The following MREG variants were observed in gnomAD, a reference collection of about 807,000 sequenced individuals.
MREG encodes the protein melanoregulin.
A neutral mutation model predicts 28.5 loss-of-function variants in MREG; 31 were observed. That is an observed-to-expected ratio of 1.09 (90% CI 0.82 to 1.47). The LOEUF is 1.47. MREG is among the 40% of genes most tolerant of loss of function. MREG has a pLI of 0.00. For synonymous variants in MREG, 106 were observed against 95.2 expected (o/e 1.11, Z -0.66); for missense variants, 256 against 257.4 (o/e 0.99, Z 0.04).
At chr2:216,009,343 CA>C (rs200057661) in intron 1 of MREG, among the ~76,000 whole-genome samples, 49 of 145,520 alleles carry the variant, frequency 3.4e-4, no homozygotes, top group Admixed American at 3.4e-4. Flanking sequence ...TACAAAAATG[CA>C]AAAAAAAAAA....
intron 1 of MREG, among the ~76,000 whole-genome samples, chr2:216,022,860 A>T (rs62181269): frequency 0.22 from 33,716 of 152,088 alleles, 3,836 homozygotes; most frequent in Non-Finnish European, 0.26. Flanking sequence ...ATGCAAGGTG[A>T]CTCGAAGTTG....
intron 2 of MREG, among the ~76,000 whole-genome samples, chr2:215,986,936 C>T (rs1693586757): frequency 6.6e-6 from 1 of 152,140 alleles, no homozygotes. Context: ...ATACTTTGAT[C>T]CAACAATTCT....
At chr2:216,019,183 A>G (rs1694486857) in intron 1 of MREG, among the ~76,000 whole-genome samples, 2 of 152,012 alleles carry the variant, frequency 1.3e-5, no homozygotes, top group South Asian at 2.1e-4. Context: ...AATCAATACT[A>G]ATTTTTTTTT....
chr2:215,979,188 G>A (rs572645544), intron 2 of MREG, among the ~76,000 whole-genome samples: 2 of 152,252 alleles, frequency 1.3e-5, no homozygotes, highest in East Asian at 3.9e-4. Context: ...GATAGGTCGG[G>A]CACGGTGGCT....
At position 215,979,476 on chromosome 2, in the gene MREG, T is replaced by TA. The variant is rs1240401094; in HGVS notation, c.255+16829dup. On this transcript the variant is annotated intron_variant, in intron 2 of 4. Transcript: ENST00000263268. ...GAAACTCCATCTCAAAAAATAATAA[T>TA]AATAATAATAATAATAATAATAATA... Among the ~76,000 whole-genome samples the TA allele has an allele frequency of 8.7e-5, 9 of 102,914 alleles. 1 individual carries two copies. The highest frequency in any genetic ancestry group is 4.4e-4 in the African/African-American group (9 of 20,300). The allele number at this position is 102,914 out of a possible 152,430, so 67.5% of individuals were successfully genotyped here.
At chr2:215,967,708 T>C (rs1233505503) in intron 2 of MREG, among the ~76,000 whole-genome samples, 1 of 152,172 alleles carries the variant, frequency 6.6e-6, no homozygotes, top group Non-Finnish European at 1.5e-5. Context: ...TATGTTGGGG[T>C]TCTGTGTGAG....
At chr2:215,966,759 G>A (rs866834499) in intron 2 of MREG, among the ~76,000 whole-genome samples, 2 of 151,914 alleles carry the variant, frequency 1.3e-5, no homozygotes, top group South Asian at 4.2e-4. Context: ...GTGCCACCAC[G>A]CCTGGCTAAT....
chr2:215,973,868 T>C (rs1179857246), intron 2 of MREG, among the ~76,000 whole-genome samples: 2 of 152,168 alleles, frequency 1.3e-5, no homozygotes, highest in Non-Finnish European at 2.9e-5. Flanking sequence ...AGTTGAAAAA[T>C]GCAACTCCAC....
At chr2:215,976,325 T>C (rs1425989078) in intron 2 of MREG, among the ~76,000 whole-genome samples, 4 of 152,198 alleles carry the variant, frequency 2.6e-5, no homozygotes, top group African/African-American at 4.8e-5. Flanking sequence ...TTATTTGAAA[T>C]ACATCCCTTG....
intron 2 of MREG, among the ~76,000 whole-genome samples, chr2:215,955,448 A>G (rs995775312): frequency 6.6e-6 from 1 of 152,208 alleles, no homozygotes; most frequent in African/African-American, 2.4e-5. Context: ...TTTCAACTCA[A>G]ACAGCAAACT....
intron 2 of MREG, among the ~76,000 whole-genome samples, chr2:215,957,901 A>G (rs1692669664): frequency 6.6e-6 from 1 of 152,148 alleles, no homozygotes; most frequent in Non-Finnish European, 1.5e-5. Flanking sequence ...TGTGGCATAT[A>G]TACACCATGG....
At chr2:216,033,143 T>C (rs1246082023), upstream of MREG, among the ~76,000 whole-genome samples, 3 of 152,196 alleles carry the variant, frequency 2.0e-5, no homozygotes, top group African/African-American at 7.2e-5. Flanking sequence ...ATAATATAGC[T>C]GCAGACAGAT....
intron 1 of MREG, among the ~76,000 whole-genome samples, chr2:216,021,056 C>T (rs1384070058): frequency 1.3e-5 from 2 of 152,180 alleles, no homozygotes; most frequent in African/African-American, 4.8e-5. Flanking sequence ...GGGATGCTTA[C>T]GGAAACTCCA....
intron 3 of MREG, 73 bp from the exon 4 acceptor site, chr2:215,945,807 A>G (rs577075193): frequency 1.5e-6 from 2 of 1,347,574 alleles, no homozygotes; most frequent in Admixed American, 4.4e-5. Flanking sequence ...CGGTCCCTGC[A>G]GGAGATTACG....
chr2:215,953,612 T>C (rs1574594919), intron 2 of MREG, among the ~76,000 whole-genome samples: 1 of 152,314 alleles, frequency 6.6e-6, no homozygotes, highest in East Asian at 1.9e-4. Flanking sequence ...TTGACTAGCC[T>C]GAGAAGAGCC....
At chr2:216,032,766 T>C (rs1301291480) in intron 1 of MREG, 1 of 152,246 alleles carries the variant, frequency 6.6e-6, no homozygotes, top group Non-Finnish European at 1.5e-5. Flanking sequence ...GGCTCAATAA[T>C]TGCTAGTTTT....
chr2:215,956,686 G>A (rs906547780), intron 2 of MREG, among the ~76,000 whole-genome samples: 1 of 152,074 alleles, frequency 6.6e-6, no homozygotes, highest in African/African-American at 2.4e-5. Context: ...CTACAGGTGT[G>A]CATCACCACA....
chr2:216,011,907 TTAGAGA>T (rs1694321902), intron 1 of MREG, among the ~76,000 whole-genome samples: 1 of 152,288 alleles, frequency 6.6e-6, no homozygotes, highest in African/African-American at 2.4e-5. Context: ...ACCTATTAGA[TTAGAGA>T]TAGATTATTC....
intron 1 of MREG, among the ~76,000 whole-genome samples, chr2:216,023,542 G>A (rs1694555351): frequency 2.6e-5 from 4 of 152,066 alleles, no homozygotes; most frequent in Non-Finnish European, 5.9e-5. Flanking sequence ...ATCTTATTAA[G>A]CATTGGTATT....
Sources: allele counts gnomAD v4.1 joint callset (sites outside exome capture counted in the v4.1 genomes callset), GRCh38; gene constraint gnomAD v4.1.1; transcripts MANE v1.5; gene names NCBI Gene and HGNC (gene_info 2026-07-23, HGNC 2026-07-21).